The following DCBLD1 variants were observed in gnomAD, a reference collection of about 807,000 sequenced individuals.
The protein encoded by DCBLD1 is discoidin, CUB and LCCL domain-containing protein 1.
A neutral mutation model predicts 71.5 loss-of-function variants in DCBLD1; 57 were observed. The ratio of observed to expected loss-of-function variants is 0.80; its 90% confidence interval spans 0.64 to 0.99. The LOEUF is 0.99. Ranked by LOEUF, DCBLD1 falls within the 50% of genes least tolerant of loss-of-function variation. The pLI is 0.00. For missense variants in DCBLD1, 891 were observed against 923.5 expected, an observed-to-expected ratio of 0.96 and a Z score of 0.46; for synonymous variants, 380 against 363.8, an observed-to-expected ratio of 1.04 and a Z score of -0.51.
intron 5 of DCBLD1, among the ~76,000 whole-genome samples, chr6:117,531,736 C>G (rs1189132060): frequency 6.6e-6 from 1 of 152,196 alleles, no homozygotes; most frequent in East Asian, 1.9e-4. Context: ...TGATAAATCT[C>G]TAATTTAAAA....
At chr6:117,546,875 A>G (rs975822428) in intron 14 of DCBLD1, among the ~76,000 whole-genome samples, 1 of 152,148 alleles carries the variant, frequency 6.6e-6, no homozygotes, top group African/African-American at 2.4e-5. Flanking sequence ...CTCAGCAACC[A>G]CAATCGAATC....
Position 117,509,530 on chromosome 6 carries a change from G to A in DCBLD1, c.325+5551G>A, listed in dbSNP as rs539380892. Among the ~76,000 whole-genome samples the A allele has an allele frequency of 2.7e-4, 41 of 152,272 alleles. 1 individual carries two copies. In the South Asian group the frequency reaches 8.1e-3, roughly 30 times the overall value. ...TTTAAAGGATGACACCTGGTACATAGTAAGCACTTAGTCAACGTTAGCCAT... is the reference window on the plus strand; with the variant it reads ...TTTAAAGGATGACACCTGGTACATAATAAGCACTTAGTCAACGTTAGCCAT... On this transcript the variant is annotated intron_variant, in intron 2 of 14. Transcript: ENST00000338728.
intron 14 of DCBLD1, chr6:117,560,779 T>C (rs1779570035): frequency 4.8e-6 from 1 of 210,408 alleles, no homozygotes; most frequent in African/African-American, 2.3e-5. Context: ...CACATTTTAT[T>C]AAAACGTTTT....
At chr6:117,544,808 C>G (rs1364234122) in intron 13 of DCBLD1, among the ~76,000 whole-genome samples, 1 of 151,754 alleles carries the variant, frequency 6.6e-6, no homozygotes, top group Non-Finnish European at 1.5e-5. Flanking sequence ...TGTCAACATC[C>G]TTTTTTCTTG....
At chr6:117,541,117 A>T in intron 11 of DCBLD1, 92 bp downstream of exon 11, 1 of 1,168,338 alleles carries the variant, frequency 8.6e-7, no homozygotes, top group Non-Finnish European at 1.2e-6. Context: ...TTTCTCTGTC[A>T]TATAAACATT....
At chr6:117,539,161 A>G in intron 8 of DCBLD1, 94 bp from the exon 9 acceptor site, 1 of 1,201,614 alleles carries the variant, frequency 8.3e-7, no homozygotes, top group Non-Finnish European at 1.1e-6. Flanking sequence ...CTGAGGTTTC[A>G]AATGAGGGAG....
chr6:117,498,625 A>G (rs1485539114), intron 1 of DCBLD1, among the ~76,000 whole-genome samples: 1 of 152,046 alleles, frequency 6.6e-6, no homozygotes, highest in African/African-American at 2.4e-5. Context: ...TCCCTTAAAG[A>G]TGGATCTTTA....
downstream of DCBLD1, among the ~76,000 whole-genome samples, chr6:117,551,505 G>T (rs542486428): frequency 7.2e-5 from 11 of 151,882 alleles, no homozygotes; most frequent in African/African-American, 2.4e-4. Flanking sequence ...TCAGCCTCCC[G>T]AGTAGCTAGG....
At position 117,548,708 on chromosome 6, in the gene DCBLD1, T is replaced by TG; in HGVS notation, c.*270dup. ...TTTTCAGATGGCGTTTTCATTCCTC[T>TG]GACTGATATTGAGCTGCTTTGGTGT... On this transcript the variant is annotated 3_prime_UTR_variant, in exon 15 of 15. Coordinates refer to ENST00000338728, the MANE Select transcript of DCBLD1 (RefSeq NM_001366458.2). 1 of 1,379,188 alleles carries TG rather than the reference T, an allele frequency of 7.3e-7. No homozygotes were observed. Among genetic ancestry groups the TG allele is most frequent in the East Asian group, 2.9e-5 (1 of 34,910 alleles). The allele number at this position is 1,379,188 out of a possible 1,614,324, so 85.4% of individuals were successfully genotyped here. A position where few individuals can be genotyped will look rare whatever the true frequency, so the allele number is the denominator to read the frequency against.
At chr6:117,519,693 A>C in intron 2 of DCBLD1, 123 bp from the exon 3 acceptor site, 1 of 1,272,266 alleles carries the variant, frequency 7.9e-7, no homozygotes, top group South Asian at 1.7e-5. Flanking sequence ...CAGTTGGTAA[A>C]GATTATAATC....
At chr6:117,551,505 G>A (rs542486428), downstream of DCBLD1, among the ~76,000 whole-genome samples, 50 of 151,882 alleles carry the variant, frequency 3.3e-4, no homozygotes, top group South Asian at 3.7e-3. Flanking sequence ...TCAGCCTCCC[G>A]AGTAGCTAGG....
intron 4 of DCBLD1, among the ~76,000 whole-genome samples, chr6:117,522,387 G>C (rs1778412590): frequency 6.6e-6 from 1 of 151,956 alleles, no homozygotes; most frequent in Admixed American, 6.6e-5. Context: ...CCCCAGTGGA[G>C]AGCCACTAGT....
chr6:117,487,524 T>C (rs1777132610), intron 1 of DCBLD1, among the ~76,000 whole-genome samples: 1 of 152,044 alleles, frequency 6.6e-6, no homozygotes, highest in African/African-American at 2.4e-5. Flanking sequence ...CTCGGGATGC[T>C]GAGGTGGGAG....
rs1293198110 is a variant in DCBLD1, at chr6:117,538,813, G to T, written c.954G>T (p.Leu318Phe). Reference sequence around the variant, plus strand: ...CACGAGAGTGGCTGGAGATCGATTTGGGGGAGAAAAAGAAAATAACAGGTG... The same window carrying T: ...CACGAGAGTGGCTGGAGATCGATTTTGGGGAGAAAAAGAAAATAACAGGTG... ...HKPREWLEIDLGEKKKITGIR... is the reference protein window; with the variant it reads ...HKPREWLEIDFGEKKKITGIR... Residue 318 changes from leucine (L) to phenylalanine (F), a missense_variant, in exon 8 of 15, where the codon TTG becomes TTT. Physicochemically the swap from Leu to Phe is conservative, Grantham distance 22. Transcript: ENST00000338728. 6.2e-7 allele frequency: 1 copy of T among 1,613,322 alleles called. No individual in the cohort carries two copies. The highest frequency in any genetic ancestry group is 8.5e-7 in the Non-Finnish European group (1 of 1,179,734).
intron 11 of DCBLD1, among the ~76,000 whole-genome samples, chr6:117,542,660 TC>T (rs1418507911): frequency 6.6e-6 from 1 of 152,118 alleles, no homozygotes; most frequent in Non-Finnish European, 1.5e-5. Flanking sequence ...GTAACGAGGA[TC>T]CCAGTTTTCC....
chr6:117,558,700 A>G (rs190295432), intron 14 of DCBLD1, among the ~76,000 whole-genome samples: 263 of 152,332 alleles, frequency 1.7e-3, no homozygotes, highest in African/African-American at 5.8e-3. Context: ...TCCTCTAGCA[A>G]TAATGTGTAA....
chr6:117,489,236 A>G (rs779132389), intron 1 of DCBLD1, among the ~76,000 whole-genome samples: 1 of 152,196 alleles, frequency 6.6e-6, no homozygotes, highest in Non-Finnish European at 1.5e-5. Flanking sequence ...TGCATCACAT[A>G]GTGAGAGACA....
Position 117,549,270 on chromosome 6 carries a change from TC to T in DCBLD1, c.*832del. The T allele has an allele frequency of 1.0e-6, 1 of 985,412 alleles. No individual in the cohort carries two copies. Among genetic ancestry groups the T allele is most frequent in the Non-Finnish European group, 1.2e-6 (1 of 829,912 alleles). 61.0% of individuals were successfully genotyped at this position (985,412 alleles called of 1,614,324 possible). A position where few individuals can be genotyped will look rare whatever the true frequency, so the allele number is the denominator to read the frequency against. Reference sequence around the variant, plus strand: ...TCAGACGCCACAATTTTCATGACTTTCTTCAGAAGTAGCACATTTTCGTGAC... The same window carrying T: ...TCAGACGCCACAATTTTCATGACTTTTTCAGAAGTAGCACATTTTCGTGAC... On this transcript the variant is annotated 3_prime_UTR_variant, in exon 15 of 15. Coordinates refer to ENST00000338728, the MANE Select transcript of DCBLD1 (RefSeq NM_001366458.2).
At chr6:117,512,753 CAGA>C (rs1464287467) in intron 2 of DCBLD1, among the ~76,000 whole-genome samples, 2 of 151,968 alleles carry the variant, frequency 1.3e-5, no homozygotes, top group African/African-American at 4.8e-5. Context: ...GATGATGCTC[CAGA>C]AGGTTAATGA....
Sources: allele counts gnomAD v4.1 joint callset (sites outside exome capture counted in the v4.1 genomes callset), GRCh38; gene constraint gnomAD v4.1.1; transcripts MANE v1.5; gene names NCBI Gene and HGNC (gene_info 2026-07-23, HGNC 2026-07-21).